SCN4A: variants seen among roughly 807,000 people sequenced by gnomAD.
The protein encoded by SCN4A is sodium channel protein type 4 subunit alpha.
SCN4A carries 83 observed loss-of-function variants against 162.0 expected under a neutral mutation model. The ratio of observed to expected loss-of-function variants is 0.51; its 90% CI spans 0.43 to 0.61. The LOEUF is 0.61. Ranked by LOEUF, SCN4A falls within the 20% of genes least tolerant of loss-of-function variation. The pLI, the probability that SCN4A is intolerant of heterozygous loss-of-function variation, is 0.00. For missense variants in SCN4A, 2,196 were observed against 2,462.5 expected, an observed-to-expected ratio of 0.89 and a Z score of 2.29; for synonymous variants, 944 against 985.1, an observed-to-expected ratio of 0.96 and a Z score of 0.78.
At chr17:63,963,042 C>T (rs114243005) in intron 10 of SCN4A, among the ~76,000 whole-genome samples, 4,673 of 152,196 alleles carry the variant, frequency 0.031, 238 homozygotes, top group African/African-American at 0.11. Context: ...CCTGTGCTTC[C>T]TCCTTCCCTC....
intron 13 of SCN4A, among the ~76,000 whole-genome samples, chr17:63,953,544 G>A (rs1426081340): frequency 2.6e-5 from 4 of 151,418 alleles, no homozygotes; most frequent in South Asian, 2.1e-4. Context: ...TTAGCTGGGC[G>A]TGGTGGTGCA....
At chr17:63,954,677 C>A (rs1182870429) in intron 13 of SCN4A, among the ~76,000 whole-genome samples, 1 of 152,188 alleles carries the variant, frequency 6.6e-6, no homozygotes, top group African/African-American at 2.4e-5. Context: ...CAGACACCTG[C>A]TTCTCTGAAG....
chr17:63,940,901 T>G lies in SCN4A; in HGVS notation c.5381A>C (p.Glu1794Ala). ...TCCGGCGTCCCCTGCCTCGCCCTTCTCCTCCGGGCTTGGCGAGCTGCTGTT... is the reference window on the plus strand; with the variant it reads ...TCCGGCGTCCCCTGCCTCGCCCTTCGCCTCCGGGCTTGGCGAGCTGCTGTT... Reference protein sequence around the residue: ...NGNSSSPSPEEKGEAGDAGPT... With the variant: ...NGNSSSPSPEAKGEAGDAGPT... The change falls in exon 24 of 24, where the codon GAG (glutamate) becomes GCG (alanine). Residue 1794 changes from glutamate (E) to alanine (A), a missense_variant. By Grantham distance (107) the Glu-to-Ala change is moderately radical (BLOSUM62 -1). Coordinates refer to ENST00000435607, the MANE Select transcript of SCN4A (RefSeq NM_000334.4). 1.5e-5 allele frequency: 25 copies of G among 1,613,916 alleles called. No individual in the cohort carries two copies. Among genetic ancestry groups the G allele is most frequent in the Non-Finnish European group, 2.1e-5 (25 of 1,179,868 alleles).
At chr17:63,965,207 G>A (rs1333915500) in intron 8 of SCN4A, among the ~76,000 whole-genome samples, 1 of 151,978 alleles carries the variant, frequency 6.6e-6, no homozygotes, top group African/African-American at 2.4e-5. Context: ...ACCAAACCTG[G>A]CTAATTTTTG....
chr17:63,948,572 G>T (rs768385938), intron 16 of SCN4A, 39 bp downstream of exon 16: 1 of 1,590,602 alleles, frequency 6.3e-7, no homozygotes, highest in Non-Finnish European at 8.6e-7. Flanking sequence ...CTGTGGGCCT[G>T]GCCCCTGCCC....
Position 63,972,416 on chromosome 17 carries a change from C to T in SCN4A, c.328G>A (p.Ala110Thr), listed in dbSNP as rs765569744. The change falls in exon 2 of 24, where the codon GCT becomes ACT. Residue 110 changes from alanine to threonine, a missense_variant. Transcript: ENST00000435607. The surrounding 1 kb of genome is among the most constrained non-coding windows in gnomAD (Gnocchi z 4.3). ...CTGAAGGGGCTCAGCAGGTAGAGAG[C>T]AGGTGTGGCGGAGAAGCGGAAGATG... ...KAIFRFSATP[A>T]LYLLSPFSVV... 1 of 1,613,966 alleles carries T rather than the reference C, an allele frequency of 6.2e-7. No homozygotes were observed. Among genetic ancestry groups the T allele is most frequent in the Admixed American group, 1.7e-5 (1 of 60,020 alleles).
rs556099012 is a variant in SCN4A, at chr17:63,951,794, C to T, written c.2483G>A (p.Arg828His). The change falls in exon 14 of 24, where the codon CGC becomes CAC. Residue 828 changes from arginine (R) to histidine (H), a missense_variant. Coordinates refer to ENST00000435607, the MANE Select transcript of SCN4A (RefSeq NM_000334.4). The surrounding 1 kb of genome is among the most constrained non-coding windows in gnomAD (Gnocchi z 4.5). ...GGCAAAGCCGATGCCCAACTTGATG[C>T]GCCCGATGGCAATCTGCAGGTTGTT... The part of the protein sequence containing the change: ...EMNNLQIAIG[R>H]IKLGIGFAKA... 37 of 1,583,302 alleles carry T rather than the reference C, an allele frequency of 2.3e-5. No individual in the cohort carries two copies. The highest frequency in any genetic ancestry group is 5.4e-5 in the African/African-American group (4 of 74,406).
Position 63,944,628 on chromosome 17 carries a change from G to A in SCN4A, c.3912+45C>T. 6.4e-7 allele frequency: 1 copy of A among 1,563,386 alleles called. No homozygotes were observed. The highest frequency in any genetic ancestry group is 8.7e-7 in the Non-Finnish European group (1 of 1,152,188). ...GAGAGTGGACAAAGGAGGCAGGAGG[G>A]AGGCCCAGCACCGGGAGGGCCCGAG... On this transcript the variant is annotated intron_variant, in intron 21 of 23. Transcript: ENST00000435607. This position sits in a 1 kb window ranked among gnomAD's most constrained non-coding sequence, Gnocchi z 4.3.
At chr17:63,949,779 C>A in intron 14 of SCN4A, 1 of 385,078 alleles carries the variant, frequency 2.6e-6, no homozygotes, top group Non-Finnish European at 4.7e-6. Flanking sequence ...ACGGTAAGGG[C>A]ATGAGGACAC....
chr17:63,961,826 A>G (rs1177082885), intron 10 of SCN4A: 2 of 163,260 alleles, frequency 1.2e-5, no homozygotes, highest in Non-Finnish European at 2.5e-5. Context: ...ACCTCTCTAA[A>G]CCCCGCCCAC....
Position 63,961,770 on chromosome 17 carries a change from T to C in SCN4A, c.1607-339A>G, listed in dbSNP as rs73326355. Reference sequence around the variant, plus strand: ...CCCCCGCGTCCTCAGCGCTCCGCCCTCTACTTCAAGTTCCACCACCACTCA... The same window carrying C: ...CCCCCGCGTCCTCAGCGCTCCGCCCCCTACTTCAAGTTCCACCACCACTCA... On this transcript the variant is annotated intron_variant, in intron 10 of 23. Coordinates refer to ENST00000435607, the MANE Select transcript of SCN4A (RefSeq NM_000334.4). 13,560 of 259,886 alleles carry C rather than the reference T, an allele frequency of 0.052. 1,024 individuals carry two copies. Among genetic ancestry groups the C allele is most frequent in the African/African-American group, 0.26 (8,821 of 34,086 alleles). The allele number at this position is 259,886 out of a possible 1,614,324, so 16.1% of individuals were successfully genotyped here. A position where few individuals can be genotyped will look rare whatever the true frequency, so the allele number is the denominator to read the frequency against.
Position 63,972,794 on chromosome 17 carries a change from G to A in SCN4A, c.48C>T (p.Cys16=), listed in dbSNP as rs765207978. Residue 16 remains cysteine (C), a synonymous_variant, in exon 1 of 24, where the codon TGC becomes TGT. Coordinates refer to ENST00000435607, the MANE Select transcript of SCN4A (RefSeq NM_000334.4). The surrounding 1 kb of genome is among the most constrained non-coding windows in gnomAD (Gnocchi z 4.3). ...LCTLVPLGPE[C]LRPFTRESLA... is the part of the protein sequence containing the mutation. ...GTGACTCCCGGGTGAAGGGGCGCAA[G>A]CACTCAGGGCCCAGAGGCACCAGGG... 5 of 1,613,636 alleles carry A rather than the reference G, an allele frequency of 3.1e-6. No individual in the cohort carries two copies. The Admixed American group carries it at 5.0e-5, about 16-fold the overall frequency.
At chr17:63,969,651 C>CTTTTCT (rs554087971) in intron 5 of SCN4A, among the ~76,000 whole-genome samples, 5 of 150,170 alleles carry the variant, frequency 3.3e-5, no homozygotes, top group African/African-American at 1.2e-4. Context: ...CTTTTCTTTT[C>CTTTTCT]TTTTTTTTTT....
chr17:63,964,596 T>A lies in SCN4A; in HGVS notation c.1324A>T (p.Ile442Phe), dbSNP rs1386995584. ...FLGSFYLINL[I>F]LAVVAMAYAE... is the part of the protein sequence containing the mutation. Reference sequence around the variant, plus strand: ...TATGCCATGGCCACCACGGCCAGGATCAGATTGATGAGGTAGAAAGAGCCC... The same window carrying A: ...TATGCCATGGCCACCACGGCCAGGAACAGATTGATGAGGTAGAAAGAGCCC... The change falls in exon 9 of 24, where the codon ATC (isoleucine) becomes TTC (phenylalanine). Residue 442 changes from isoleucine to phenylalanine, a missense_variant. Physicochemically the swap from Ile to Phe is conservative, Grantham distance 21. Coordinates refer to ENST00000435607, the MANE Select transcript of SCN4A (RefSeq NM_000334.4). 8 of 1,613,746 alleles carry A rather than the reference T, an allele frequency of 5.0e-6. No individual in the cohort carries two copies. The highest frequency in any genetic ancestry group is 6.8e-6 in the Non-Finnish European group (8 of 1,179,822).
intron 18 of SCN4A, among the ~76,000 whole-genome samples, chr17:63,946,593 G>T (rs376430962): frequency 1.3e-5 from 2 of 152,156 alleles, no homozygotes; most frequent in Admixed American, 6.5e-5. Context: ...GCTCATCAGT[G>T]GGGGGTGAGG....
rs1351279439 is a variant in SCN4A, at chr17:63,948,718, G to A, written c.3037C>T (p.Arg1013Cys). The change falls in exon 16 of 24, where the codon CGT becomes TGT. Residue 1013 changes from arginine to cysteine, a missense_variant. Coordinates refer to ENST00000435607, the MANE Select transcript of SCN4A (RefSeq NM_000334.4). ...CGCAGAGTCCACCACTTCTTCCCAC[G>A]GCCCTGGGAGATGTCCACGTAGAGG... is the stretch of plus-strand genomic sequence containing the variant. The part of the protein sequence containing the change: ...PCLYVDISQG[R>C]GKKWWTLRRA... 4 of 1,613,128 alleles carry A rather than the reference G, an allele frequency of 2.5e-6. No homozygotes were observed. Among genetic ancestry groups the A allele is most frequent in the Admixed American group, 1.7e-5 (1 of 59,980 alleles).
intron 22 of SCN4A, among the ~76,000 whole-genome samples, chr17:63,943,414 C>A (rs952155001): frequency 5.9e-5 from 9 of 152,106 alleles, no homozygotes; most frequent in African/African-American, 2.2e-4. Context: ...GTCTGGACAT[C>A]CTCCTCCTTC....
chr17:63,949,152 G>T (rs929912960), intron 15 of SCN4A, among the ~76,000 whole-genome samples: 16 of 152,210 alleles, frequency 1.1e-4, no homozygotes. Context: ...TGGAGGGGAG[G>T]ATCTCAGGAG....
At position 63,970,702 on chromosome 17, in the gene SCN4A, C is replaced by T. The variant is rs112214836; in HGVS notation, c.703+460G>A. Among the ~76,000 whole-genome samples the T allele has an allele frequency of 7.3e-3, 1,105 of 151,932 alleles. 17 individuals carry two copies. Among genetic ancestry groups the T allele is most frequent in the African/African-American group, 0.025 (1,020 of 41,388 alleles). ...AGGCTGGAGTGCAGTGGCGTGATCTCGGCTGACTGCCACCTCTGTTTCCCA... is the reference window on the plus strand; with the variant it reads ...AGGCTGGAGTGCAGTGGCGTGATCTTGGCTGACTGCCACCTCTGTTTCCCA... On this transcript the variant is annotated intron_variant, in intron 5 of 23. Transcript: ENST00000435607.
Sources: gnomAD v4.1 joint callset for allele counts (sites outside exome capture counted in the v4.1 genomes callset) on GRCh38, gnomAD v4.1.1 for gene constraint, Gnocchi (gnomAD v3.1) non-coding constraint, MANE v1.5 for transcripts, NCBI Gene and HGNC (gene_info 2026-07-23, HGNC 2026-07-21) for gene names.